CCHCR1: variants seen among roughly 807,000 people sequenced by gnomAD.
The protein encoded by CCHCR1 is HCR (a-helix coiled-coil rod homologue).
CCHCR1 carries 91 observed loss-of-function variants against 114.6 expected under a neutral mutation model. The observed-to-expected ratio is 0.79, with a 90% CI of 0.67 to 0.94. The LOEUF is 0.94. CCHCR1 is among the 40% of genes least tolerant of loss of function. The pLI, the probability that CCHCR1 is intolerant of heterozygous loss-of-function variation, is 0.00. For synonymous variants in CCHCR1, 379 were observed against 428.5 expected (o/e 0.88, Z 1.43); for missense variants, 899 against 1,079.9 (o/e 0.83, Z 2.35).
chr6:31,149,124 CCT>C (rs764692589), intron 8 of CCHCR1: 22,083 of 104,728 alleles, frequency 0.21, 1,772 homozygotes, highest in African/African-American at 0.23. Flanking sequence ...TGCACTCCAG[CCT>C]GGTGACAAGA....
Position 31,154,386 on chromosome 6 carries a change from C to G in CCHCR1, c.801+110G>C. On this transcript the variant is annotated intron_variant, in intron 4 of 17. Transcript: ENST00000396268. This position sits in a 1 kb window ranked among gnomAD's most constrained non-coding sequence, Gnocchi z 4.1. ...TATTTTCACCAAAGGTCTCATCACTCTACTACTCACTACTCATGGAGGGTC... is the reference window on the plus strand; with the variant it reads ...TATTTTCACCAAAGGTCTCATCACTGTACTACTCACTACTCATGGAGGGTC... 1.3e-6 allele frequency: 1 copy of G among 794,906 alleles called. No homozygotes were observed. Among genetic ancestry groups the G allele is most frequent in the East Asian group, 2.5e-5 (1 of 40,726 alleles). 49.2% of individuals were successfully genotyped at this position (794,906 alleles called of 1,614,324 possible). A position where few individuals can be genotyped will look rare whatever the true frequency, so the allele number is the denominator to read the frequency against.
chr6:31,156,817 C>G lies in CCHCR1; in HGVS notation c.411G>C (p.Glu137Asp). 6.2e-7 allele frequency: 1 copy of G among 1,612,970 alleles called. No individual in the cohort carries two copies. Among genetic ancestry groups the G allele is most frequent in the Non-Finnish European group, 8.5e-7 (1 of 1,180,010 alleles). The change falls in exon 3 of 18, where the codon GAG (glutamate) becomes GAC (aspartate). Residue 137 changes from glutamate (E) to aspartate (D), a missense_variant. By Grantham distance (45) the Glu-to-Asp change is conservative. Transcript: ENST00000396268. The stretch of plus-strand genomic sequence containing the variant: ...GAGGTCTCTGGGTGTCTAGCCGCCT[C>G]TCTGAGACATCTTGATGGCCTGGGG... ...VQPPGHQDVS[E>D]RRLDTQRPQV...
chr6:31,145,527 A>T, intron 11 of CCHCR1, 34 bp from the exon 12 acceptor site: 3 of 1,608,412 alleles, frequency 1.9e-6, no homozygotes, highest in Non-Finnish European at 2.6e-6. Context: ...AAAAGAGATG[A>T]AGTTTGCATG....
chr6:31,153,016 C>T (rs796535727), intron 4 of CCHCR1, among the ~76,000 whole-genome samples: 7 of 152,242 alleles, frequency 4.6e-5, no homozygotes, highest in African/African-American at 1.2e-4. Flanking sequence ...TTTTTAGTCT[C>T]GCTCTGCTGC....
rs752522883 is a variant in CCHCR1 at position 31,148,666 on chromosome 6, G to T, written c.1425C>A (p.Ser475=). 1 of 1,612,772 alleles carries T rather than the reference G, an allele frequency of 6.2e-7. No homozygotes were observed. The highest frequency in any genetic ancestry group is 1.7e-5 in the Admixed American group (1 of 60,014). The change falls in exon 9 of 18, where the codon TCC becomes TCA. Residue 475 remains serine, a synonymous_variant. Coordinates refer to ENST00000396268, the MANE Select transcript of CCHCR1 (RefSeq NM_001105564.2). ...CCACCTCTGCGGCTTTGTCCTGCAG[G>T]GATCGCTGCAGGATGGCCTGCTCCT... The part of the protein sequence containing the change: ...QSQEQAILQR[S]LQDKAAEVEV...
At position 31,150,508 on chromosome 6, in the gene CCHCR1, C is replaced by T; in HGVS notation, c.1159G>A (p.Val387Met). 1 of 1,612,708 alleles carries T rather than the reference C, an allele frequency of 6.2e-7. No individual in the cohort carries two copies. Among genetic ancestry groups the T allele is most frequent in the African/African-American group, 1.3e-5 (1 of 75,024 alleles). Residue 387 changes from valine to methionine, a missense_variant, in exon 7 of 18, where the codon GTG becomes ATG. Coordinates refer to ENST00000396268, the MANE Select transcript of CCHCR1 (RefSeq NM_001105564.2). The surrounding 1 kb of genome is among the most constrained non-coding windows in gnomAD (Gnocchi z 5.3). ...GCGAGGATGTGTGTGAGGCTCTGCA[C>T]CCGCACCTGCAGCAGCTCCGCGGTG... ...HATAELLQVR[V>M]QSLTHILALQ...
At chr6:31,157,971 A>G, upstream of CCHCR1, 1 of 298,338 alleles carries the variant, frequency 3.4e-6, no homozygotes, top group Non-Finnish European at 6.4e-6. Flanking sequence ...AGCCGGCTCT[A>G]CTCTCCCACC....
Position 31,148,725 on chromosome 6 carries a change from C to T in CCHCR1, c.1366G>A (p.Ala456Thr), listed in dbSNP as rs2027937. The change falls in exon 9 of 18, where the codon GCC (alanine) becomes ACC (threonine). Residue 456 changes from alanine (A) to threonine (T), a missense_variant. Physicochemically the swap from Ala to Thr is moderately conservative, Grantham distance 58. Transcript: ENST00000396268. ...GATGTCACTTTTTCCTGGAGTGAGG[C>T]CACCTGGGGGAGGAGAGAGAGCTAG... ...DSVKQLKGQV[A>T]SLQEKVTSQS... 0.074 allele frequency: 118,637 copies of T among 1,599,828 alleles called. 5,119 individuals carry two copies. Among genetic ancestry groups the T allele is most frequent in the South Asian group, 0.14 (12,733 of 90,770 alleles).
intron 8 of CCHCR1, among the ~76,000 whole-genome samples, 158 bp from the exon 9 acceptor site, chr6:31,148,886 T>A (rs1774768924): frequency 6.6e-6 from 1 of 151,582 alleles, no homozygotes; most frequent in South Asian, 2.1e-4. Context: ...GCACGGTGGC[T>A]CACACCTGTA....
intron 4 of CCHCR1, among the ~76,000 whole-genome samples, chr6:31,153,082 A>G (rs1775482853): frequency 6.6e-6 from 1 of 152,056 alleles, no homozygotes; most frequent in Non-Finnish European, 1.5e-5. Flanking sequence ...GGTTCAAGCA[A>G]TTCTCCTGCC....
At chr6:31,148,143 G>C (rs1048563369) in intron 10 of CCHCR1, among the ~76,000 whole-genome samples, 2 of 152,158 alleles carry the variant, frequency 1.3e-5, no homozygotes, top group Admixed American at 1.3e-4. Flanking sequence ...TTACTAGACT[G>C]AACTGCAGGA....
chr6:31,144,800 G>A lies in CCHCR1; in HGVS notation c.2066-12C>T, dbSNP rs778611988. The stretch of plus-strand genomic sequence containing the variant: ...CTTTTCTTGCAGGGCTGGGGTGAAA[G>A]TGCAGACGGGGCATATCAGCAGGAG... On this transcript the variant is annotated splice_polypyrimidine_tract_variant and intron_variant, in intron 14 of 17. Coordinates refer to ENST00000396268, the MANE Select transcript of CCHCR1 (RefSeq NM_001105564.2). This position sits in a 1 kb window ranked among gnomAD's most constrained non-coding sequence, Gnocchi z 4.6. 5.6e-6 allele frequency: 9 copies of A among 1,612,738 alleles called. No individual in the cohort carries two copies. Among genetic ancestry groups the A allele is most frequent in the Non-Finnish European group, 7.6e-6 (9 of 1,178,956 alleles).
chr6:31,150,607 C>A lies in CCHCR1; in HGVS notation c.1102-42G>T. 2 of 1,594,238 alleles carry A rather than the reference C, an allele frequency of 1.3e-6. No homozygotes were observed. Among genetic ancestry groups the A allele is most frequent in the Admixed American group, 3.4e-5 (2 of 59,502 alleles). On this transcript the variant is annotated intron_variant, in intron 6 of 17. Coordinates refer to ENST00000396268, the MANE Select transcript of CCHCR1 (RefSeq NM_001105564.2). This position sits in a 1 kb window ranked among gnomAD's most constrained non-coding sequence, Gnocchi z 5.3. ...GCAGCCCCTCTGTAGGGCCTCCATG[C>A]CGCCTTAGGTACCACCTTCTCTCCC... is the stretch of plus-strand genomic sequence containing the variant.
chr6:31,145,133 T>G, intron 13 of CCHCR1, 33 bp downstream of exon 13: 1 of 1,608,642 alleles, frequency 6.2e-7, no homozygotes, highest in Non-Finnish European at 8.5e-7. Context: ...GGGTTTTTCC[T>G]CATCCTCTCC....
Position 31,154,657 on chromosome 6 carries a change from G to A in CCHCR1, c.640C>T (p.Gln214Ter), listed in dbSNP as rs1214682668. 3.2e-5 allele frequency: 52 copies of A among 1,612,032 alleles called. No homozygotes were observed. In the Admixed American group the frequency reaches 8.7e-4, roughly 27 times the overall value. The change falls in exon 4 of 18, where the codon CAG (glutamine) becomes TAG (stop). Residue 214 changes from glutamine to a stop codon, truncating the protein, a stop_gained. Transcript: ENST00000396268. LOFTEE classifies it high-confidence loss of function. This position sits in a 1 kb window ranked among gnomAD's most constrained non-coding sequence, Gnocchi z 4.1. ...SLQQKMRLEA[Q>*]AMELEALARA... The stretch of plus-strand genomic sequence containing the variant: ...GCCAGAGCCTCTAGCTCCATGGCCT[G>A]GGCCTCTAGCCTCATCTTCTGCTGC...
rs1775009706 is a variant in CCHCR1 at position 31,150,224 on chromosome 6, G to C, written c.1213-9C>G. On this transcript the variant is annotated splice_polypyrimidine_tract_variant and intron_variant, in intron 7 of 17. Transcript: ENST00000396268. The surrounding 1 kb of genome is among the most constrained non-coding windows in gnomAD (Gnocchi z 5.3). ...GAATCTGAAGGTTGAACCTGAGGGA[G>C]AAGGAGTGGGAGAAAAGTGTGGGCT... The C allele has an allele frequency of 2.5e-6, 4 of 1,613,822 alleles. No homozygotes were observed. Among genetic ancestry groups the C allele is most frequent in the Non-Finnish European group, 3.4e-6 (4 of 1,179,808 alleles).
chr6:31,150,023 A>G lies in CCHCR1; in HGVS notation c.1362+43T>C. On this transcript the variant is annotated intron_variant, in intron 8 of 17. Transcript: ENST00000396268. This position sits in a 1 kb window ranked among gnomAD's most constrained non-coding sequence, Gnocchi z 5.3. The stretch of plus-strand genomic sequence containing the variant: ...GGATGCCACCTTCATGGAAGGAGCA[A>G]GGTGCTGGGAGGGAATACCGGGAGA... The G allele has an allele frequency of 6.2e-7, 1 of 1,604,660 alleles. No individual in the cohort carries two copies. The highest frequency in any genetic ancestry group is 8.5e-7 in the Non-Finnish European group (1 of 1,172,244).
Position 31,149,045 on chromosome 6 carries a change from G to A in CCHCR1, c.1363-317C>T, listed in dbSNP as rs377065382. Reference sequence around the variant, plus strand: ...CATGTGCCTGTAATCCCAGCTACTCGGGAGGCTGAGGCAGGAGAATCACTT... The same window carrying A: ...CATGTGCCTGTAATCCCAGCTACTCAGGAGGCTGAGGCAGGAGAATCACTT... On this transcript the variant is annotated intron_variant, in intron 8 of 17. Transcript: ENST00000396268. 1,511 of 295,510 alleles carry A rather than the reference G, an allele frequency of 5.1e-3. 51 individuals carry two copies. The highest frequency in any genetic ancestry group is 0.049 in the South Asian group (1,091 of 22,262). The allele number at this position is 295,510 out of a possible 1,614,324, so 18.3% of individuals were successfully genotyped here.
At chr6:31,145,418 C>A (rs1462438037) in intron 12 of CCHCR1, 30 bp downstream of exon 12, 1 of 1,613,984 alleles carries the variant, frequency 6.2e-7, no homozygotes, top group Non-Finnish European at 8.5e-7. Context: ...GCCCTAAAGC[C>A]CCATCCACCT....
Sources: gnomAD v4.1 joint callset for allele counts (sites outside exome capture counted in the v4.1 genomes callset) on GRCh38, gnomAD v4.1.1 for gene constraint, Gnocchi (gnomAD v3.1) non-coding constraint, MANE v1.5 for transcripts, NCBI Gene and HGNC (gene_info 2026-07-23, HGNC 2026-07-21) for gene names.